Variants in RHOJ observed in about 807,000 individuals in gnomAD.
The protein encoded by RHOJ is ras homolog family member J.
RHOJ carries 11 observed loss-of-function variants against 23.4 expected under a neutral mutation model. That is an observed-to-expected ratio of 0.47 (90% confidence interval 0.30 to 0.78). The LOEUF (loss-of-function observed/expected upper bound fraction) is 0.78, where lower values mean the gene tolerates loss of function less well. Ranked by LOEUF, RHOJ falls within the 30% of genes least tolerant of loss-of-function variation. RHOJ has a pLI of 0.08. For missense variants in RHOJ, 254 were observed against 273.4 expected, an observed-to-expected ratio of 0.93 and a Z score of 0.50; for synonymous variants, 102 against 102.7, an observed-to-expected ratio of 0.99 and a Z score of 0.04.
At chr14:63,213,020 A>G (rs896280756) in intron 1 of RHOJ, among the ~76,000 whole-genome samples, 1 of 152,154 alleles carries the variant, frequency 6.6e-6, no homozygotes, top group African/African-American at 2.4e-5. Flanking sequence ...CAGCACATGT[A>G]TTTTTAGGTT....
chr14:63,288,314 C>A, intron 4 of RHOJ: 3 of 985,446 alleles, frequency 3.0e-6, no homozygotes, highest in Non-Finnish European at 3.6e-6. Flanking sequence ...CTGCAGGACT[C>A]CAGGTGTGAG....
intron 1 of RHOJ, among the ~76,000 whole-genome samples, chr14:63,227,684 A>G (rs1323698978): frequency 1.3e-5 from 2 of 152,264 alleles, no homozygotes; most frequent in Non-Finnish European, 2.9e-5. Context: ...AAGTCAAAAC[A>G]TAGAAAATGC....
At chr14:63,218,814 C>T (rs1894421145) in intron 1 of RHOJ, among the ~76,000 whole-genome samples, 2 of 152,184 alleles carry the variant, frequency 1.3e-5, no homozygotes, top group Admixed American at 1.3e-4. Context: ...ATCTTGGAGC[C>T]TACTACTTCA....
At chr14:63,286,495 A>C (rs1475978645) in intron 4 of RHOJ, among the ~76,000 whole-genome samples, 4 of 152,174 alleles carry the variant, frequency 2.6e-5, no homozygotes, top group Admixed American at 2.0e-4. Flanking sequence ...GGACATGCAA[A>C]GGCATCCTTT....
chr14:63,282,695 A>G (rs1881949184), intron 3 of RHOJ, among the ~76,000 whole-genome samples: 1 of 152,112 alleles, frequency 6.6e-6, no homozygotes, highest in East Asian at 1.9e-4. Flanking sequence ...AAAAAAAAAA[A>G]AAAGATGGGT....
intron 1 of RHOJ, among the ~76,000 whole-genome samples, chr14:63,210,985 T>C (rs1894224497): frequency 6.6e-6 from 1 of 152,240 alleles, no homozygotes; most frequent in African/African-American, 2.4e-5. Context: ...CCAGGCTGCC[T>C]ATGCAGGAAA....
chr14:63,262,399 CA>C (rs1895288251), intron 1 of RHOJ, among the ~76,000 whole-genome samples: 1 of 152,166 alleles, frequency 6.6e-6, no homozygotes, highest in African/African-American at 2.4e-5. Context: ...CCAATTCACT[CA>C]AAGAAGAAAG....
At chr14:63,231,477 T>A (rs1292337442) in intron 1 of RHOJ, among the ~76,000 whole-genome samples, 1 of 152,230 alleles carries the variant, frequency 6.6e-6, no homozygotes, top group Non-Finnish European at 1.5e-5. Context: ...GAACTAGTCA[T>A]GCTTTTGCAA....
Position 63,273,527 on chromosome 14 carries a change from A to G in RHOJ, c.237+4359A>G, listed in dbSNP as rs1217239660. 2.0e-5 allele frequency among the ~76,000 whole-genome samples: 3 copies of G among 152,334 alleles called. No homozygotes were observed. In the East Asian group the frequency reaches 5.8e-4, roughly 29 times the overall value. On this transcript the variant is annotated intron_variant, in intron 2 of 4. Coordinates refer to ENST00000316754, the MANE Select transcript of RHOJ (RefSeq NM_020663.5). ...GTGTTGGTTGGGTTGGGGACGCCAC[A>G]GCCAACCCTGGGCATTCACCAGCTG...
intron 1 of RHOJ, among the ~76,000 whole-genome samples, chr14:63,232,682 T>G (rs1894716283): frequency 6.6e-6 from 1 of 151,554 alleles, no homozygotes; most frequent in African/African-American, 2.4e-5. Flanking sequence ...ATTTAAAGTC[T>G]TTTTTTCTTG....
intron 1 of RHOJ, among the ~76,000 whole-genome samples, chr14:63,219,374 A>G (rs1894434256): frequency 6.6e-6 from 1 of 152,224 alleles, no homozygotes; most frequent in Non-Finnish European, 1.5e-5. Context: ...TGGTGACTTC[A>G]GAGGATTTAA....
intron 1 of RHOJ, among the ~76,000 whole-genome samples, chr14:63,234,151 T>C (rs915137328): frequency 1.3e-5 from 2 of 152,256 alleles, no homozygotes. Flanking sequence ...AAAGCTTCTC[T>C]ATTTCCCCAG....
intron 1 of RHOJ, among the ~76,000 whole-genome samples, chr14:63,238,127 G>A (rs771406148): frequency 5.3e-5 from 8 of 152,288 alleles, no homozygotes; most frequent in South Asian, 2.1e-4. Context: ...TTGATAATTC[G>A]TGACAGATGA....
At chr14:63,248,941 C>T (rs1382455994) in intron 1 of RHOJ, among the ~76,000 whole-genome samples, 1 of 152,194 alleles carries the variant, frequency 6.6e-6, no homozygotes, top group Non-Finnish European at 1.5e-5. Context: ...GCATCTCCAC[C>T]CTCACTCAAA....
intron 2 of RHOJ, among the ~76,000 whole-genome samples, chr14:63,273,212 G>A (rs1047856988): frequency 1.3e-5 from 2 of 152,178 alleles, no homozygotes; most frequent in African/African-American, 4.8e-5. Flanking sequence ...CCAAACATTA[G>A]ATTAGGCAAT....
chr14:63,231,171 G>C lies in RHOJ; in HGVS notation c.178+26124G>C, dbSNP rs149833709. 3.0e-4 allele frequency among the ~76,000 whole-genome samples: 46 copies of C among 152,254 alleles called. No homozygotes were observed. In the East Asian group the frequency reaches 7.3e-3, roughly 24 times the overall value. On this transcript the variant is annotated intron_variant, in intron 1 of 4. Transcript: ENST00000316754. ...CCCAAAGTGCTAGGATTACATGTGT[G>C]AGCCACCGCGCCTGGCCGAGACTTT...
chr14:63,284,366 G>A (rs897330662), intron 4 of RHOJ: 3 of 984,500 alleles, frequency 3.0e-6, no homozygotes, highest in Non-Finnish European at 3.6e-6. Context: ...AGCGCCAGAC[G>A]TCCATGGAGT....
In RHOJ at chr14:63,284,365, C is replaced by T. The variant is rs541556260; in HGVS notation, c.498+1149C>T. 5.1e-5 allele frequency: 50 copies of T among 984,900 alleles called. No homozygotes were observed. The South Asian group carries it at 1.7e-3, about 33-fold the overall frequency. The allele number at this position is 984,900 out of a possible 1,614,324, so 61.0% of individuals were successfully genotyped here. ...AATGTCAATACTAACTAGCGCCAGACGTCCATGGAGTCCTTAGGATCCTAA... is the reference window on the plus strand; with the variant it reads ...AATGTCAATACTAACTAGCGCCAGATGTCCATGGAGTCCTTAGGATCCTAA... On this transcript the variant is annotated intron_variant, in intron 4 of 4. Transcript: ENST00000316754.
At chr14:63,238,774 T>C (rs937226084) in intron 1 of RHOJ, among the ~76,000 whole-genome samples, 34 of 152,158 alleles carry the variant, frequency 2.2e-4, no homozygotes, top group African/African-American at 8.0e-4. Flanking sequence ...ATGGAGCTTA[T>C]GGAGCCCTGT....
Sources: gnomAD v4.1 joint callset for allele counts (sites outside exome capture counted in the v4.1 genomes callset) on GRCh38, gnomAD v4.1.1 for gene constraint, MANE v1.5 for transcripts, NCBI Gene and HGNC (gene_info 2026-07-23, HGNC 2026-07-21) for gene names.